Variants in SLC8A1 observed in about 807,000 individuals in gnomAD.
SLC8A1 encodes solute carrier family 8 member A1.
SLC8A1 carries 18 observed loss-of-function variants against 68.3 expected under a neutral mutation model. That is an observed-to-expected ratio of 0.26 (90% CI 0.18 to 0.39). The LOEUF (loss-of-function observed/expected upper bound fraction) is 0.39. Among genes scored for constraint, SLC8A1 ranks in the 10% least tolerant of loss-of-function variants. The pLI, the probability that SLC8A1 is intolerant of heterozygous loss-of-function variation, is 1.00. For synonymous variants in SLC8A1, 475 were observed against 415.5 expected (o/e 1.14, Z -1.74); for missense variants, 985 against 1,156.7 (o/e 0.85, Z 2.15).
chr2:40,214,448 T>TC (rs1228840641), intron 2 of SLC8A1, among the ~76,000 whole-genome samples: 1 of 151,718 alleles, frequency 6.6e-6, no homozygotes, highest in Non-Finnish European at 1.5e-5. Context: ...TTTTTTTTTT[T>TC]TTCCTCTTTT....
chr2:40,218,822 GA>G (rs2057888988), intron 2 of SLC8A1, among the ~76,000 whole-genome samples: 2 of 152,142 alleles, frequency 1.3e-5, no homozygotes, highest in Non-Finnish European at 2.9e-5. Context: ...ATCGTTGGAT[GA>G]AAAATGCTGA....
intron 2 of SLC8A1, among the ~76,000 whole-genome samples, chr2:40,274,865 G>A (rs1203947261): frequency 6.6e-6 from 1 of 152,190 alleles, no homozygotes; most frequent in Non-Finnish European, 1.5e-5. Flanking sequence ...GATAAGGATT[G>A]AAGCTGTGTC....
intron 2 of SLC8A1, among the ~76,000 whole-genome samples, chr2:40,419,717 T>G (rs1332333447): frequency 6.6e-6 from 1 of 152,222 alleles, no homozygotes; most frequent in Admixed American, 6.5e-5. Context: ...TTTTTCTTTT[T>G]CTTTAATTGC....
intron 6 of SLC8A1, among the ~76,000 whole-genome samples, chr2:40,153,266 T>C (rs2043799870): frequency 6.6e-6 from 1 of 152,172 alleles, no homozygotes; most frequent in Non-Finnish European, 1.5e-5. Context: ...AGTATTTCCA[T>C]GTCCTAAAGA....
chr2:40,125,563 C>A (rs1391409699), intron 7 of SLC8A1, among the ~76,000 whole-genome samples: 1 of 152,130 alleles, frequency 6.6e-6, no homozygotes, highest in Admixed American at 6.6e-5. Flanking sequence ...GCTACAAATA[C>A]CTTCTATTTT....
chr2:40,501,260 G>T (rs147035193), intron 1 of SLC8A1, among the ~76,000 whole-genome samples: 1 of 151,246 alleles, frequency 6.6e-6, no homozygotes, highest in African/African-American at 2.4e-5. Flanking sequence ...TTTGTTTTCT[G>T]TATTGTTTGA....
chr2:40,273,639 A>C (rs2149147979), intron 2 of SLC8A1, among the ~76,000 whole-genome samples: 1 of 152,146 alleles, frequency 6.6e-6, no homozygotes, highest in East Asian at 1.9e-4. Flanking sequence ...TTTAAAACAA[A>C]CTCATACCTC....
intron 7 of SLC8A1, among the ~76,000 whole-genome samples, chr2:40,131,224 G>A (rs1189673020): frequency 6.6e-6 from 1 of 152,124 alleles, no homozygotes. Flanking sequence ...CGGAGGGAGG[G>A]TTGGGTTTGA....
At chr2:40,431,690 AC>A (rs1471041630) in intron 1 of SLC8A1, among the ~76,000 whole-genome samples, 1 of 152,112 alleles carries the variant, frequency 6.6e-6, no homozygotes, top group Non-Finnish European at 1.5e-5. Flanking sequence ...CTGAGTCAGA[AC>A]ATACCCTTAT....
At chr2:40,305,373 C>A (rs1390310276) in intron 2 of SLC8A1, among the ~76,000 whole-genome samples, 1 of 152,202 alleles carries the variant, frequency 6.6e-6, no homozygotes, top group Non-Finnish European at 1.5e-5. Flanking sequence ...GCATCCCTAA[C>A]CTCTACCCAC....
Position 40,174,699 on chromosome 2 carries a change from G to C in SLC8A1, c.1930+126C>G. 1 of 1,512,594 alleles carries C rather than the reference G, an allele frequency of 6.6e-7. No homozygotes were observed. Among genetic ancestry groups the C allele is most frequent in the East Asian group, 2.3e-5 (1 of 44,280 alleles). 93.7% of individuals were successfully genotyped at this position (1,512,594 alleles called of 1,614,324 possible). On this transcript the variant is annotated intron_variant, in intron 4 of 7. Coordinates refer to ENST00000406785, the Ensembl canonical transcript of SLC8A1. ...AAAATAAGGAACATTAAAAAAATAA[G>C]TCTTACCAAACAGGTATTTTCCTTC...
chr2:40,334,852 C>G (rs200255310), intron 2 of SLC8A1, among the ~76,000 whole-genome samples: 1 of 152,158 alleles, frequency 6.6e-6, no homozygotes. Context: ...CCATACTGCT[C>G]TCATTCTCAG....
At position 40,281,142 on chromosome 2, in the gene SLC8A1, C is replaced by T. The variant is rs149781882; in HGVS notation, c.1809-103287G>A. Among the ~76,000 whole-genome samples, 865 of 152,146 alleles carry T rather than the reference C, an allele frequency of 5.7e-3. 8 individuals carry two copies. The highest frequency in any genetic ancestry group is 8.4e-3 in the Non-Finnish European group (568 of 67,994). ...CTGTGAAACATACTTCACCAAAGCA[C>T]CCATGGTAGCACTTATTAACAAACG... On this transcript the variant is annotated intron_variant, in intron 2 of 7. Coordinates refer to ENST00000406785, the Ensembl canonical transcript of SLC8A1.
chr2:40,314,492 T>C (rs114252186), intron 2 of SLC8A1, among the ~76,000 whole-genome samples: 1,764 of 152,084 alleles, frequency 0.012, 37 homozygotes, highest in African/African-American at 0.04. Context: ...CCTCTGTATT[T>C]ATACATGAAC....
At chr2:40,165,122 G>A (rs2046331346) in intron 4 of SLC8A1, 138 bp from the exon 8 acceptor site, 6 of 992,128 alleles carry the variant, frequency 6.0e-6, no homozygotes, top group Admixed American at 2.1e-5. Context: ...CACGATGCTG[G>A]AGGGAAGAGC....
At chr2:40,260,215 T>A (rs1461098322) in intron 2 of SLC8A1, among the ~76,000 whole-genome samples, 1 of 152,208 alleles carries the variant, frequency 6.6e-6, no homozygotes, top group Non-Finnish European at 1.5e-5. Flanking sequence ...ATGTGAATTA[T>A]CTTCACAACC....
intron 2 of SLC8A1, among the ~76,000 whole-genome samples, chr2:40,284,557 T>C (rs1392184783): frequency 6.8e-6 from 1 of 147,316 alleles, no homozygotes; most frequent in Admixed American, 6.8e-5. Context: ...TATATGTTGT[T>C]ATATATATTG....
At chr2:40,138,835 G>T (rs2041023038) in intron 7 of SLC8A1, among the ~76,000 whole-genome samples, 1 of 152,138 alleles carries the variant, frequency 6.6e-6, no homozygotes, top group Non-Finnish European at 1.5e-5. Context: ...TGCATGAAGG[G>T]ATGTTCATGA....
chr2:40,236,089 G>A (rs1307380082), intron 2 of SLC8A1, among the ~76,000 whole-genome samples: 1 of 152,082 alleles, frequency 6.6e-6, no homozygotes, highest in African/African-American at 2.4e-5. Flanking sequence ...GATTTGGGGT[G>A]GACAGTTCTG....
Sources: gnomAD v4.1 joint callset for allele counts (sites outside exome capture counted in the v4.1 genomes callset) on GRCh38, gnomAD v4.1.1 for gene constraint, MANE v1.5 for transcripts, NCBI Gene and HGNC (gene_info 2026-07-23, HGNC 2026-07-21) for gene names.